The following CALD1 variants were observed in gnomAD, a reference collection of about 807,000 sequenced individuals.
CALD1 encodes the protein caldesmon 1.
A neutral mutation model predicts 99.9 loss-of-function variants in CALD1; 33 were observed. That is an observed-to-expected ratio of 0.33 (90% confidence interval 0.25 to 0.44). The LOEUF is 0.44. Among genes scored for constraint, CALD1 ranks in the 20% least tolerant of loss-of-function variants. CALD1 has a pLI of 1.00. For synonymous variants in CALD1, 310 were observed against 325.0 expected (o/e 0.95, Z 0.50); for missense variants, 861 against 962.1 (o/e 0.89, Z 1.39).
At chr7:134,737,191 CA>C in the CALD1 span, among the ~76,000 whole-genome samples, 1 of 152,170 alleles carries the variant, frequency 6.6e-6, no homozygotes. Flanking sequence ...GTGGCACTAT[CA>C]CAGTTCATTG....
chr7:134,891,227 T>C (rs1169041095), intron 3 of CALD1, among the ~76,000 whole-genome samples: 1 of 152,228 alleles, frequency 6.6e-6, no homozygotes, highest in Non-Finnish European at 1.5e-5. Context: ...GTTAAGCATA[T>C]AAAGTCTTCA....
rs547626891 is a variant in CALD1 at position 134,943,241 on chromosome 7, C to T, written c.1532+2004C>T. Among the ~76,000 whole-genome samples the T allele has an allele frequency of 3.4e-3, 426 of 125,948 alleles. 7 individuals are homozygous for T. In the East Asian group the frequency reaches 0.064, roughly 19 times the overall value. 82.6% of individuals were successfully genotyped at this position (125,948 alleles called of 152,430 possible). A position where few individuals can be genotyped will look rare whatever the true frequency, so the allele number is the denominator to read the frequency against. ...GAAAACAAGCTGTGTTCTTAATGGT[C>T]AAAGGCCTGATACTCATCTTGACTT... On this transcript the variant is annotated intron_variant, in intron 7 of 14. Coordinates refer to ENST00000361675, the MANE Select transcript of CALD1 (RefSeq NM_033138.4).
At chr7:134,763,974 G>A (rs1322301210) in intron 1 of CALD1, among the ~76,000 whole-genome samples, 1 of 150,886 alleles carries the variant, frequency 6.6e-6, no homozygotes, top group Non-Finnish European at 1.5e-5. Flanking sequence ...TGGCATTCTA[G>A]TTTCTAAATC....
At chr7:134,939,965 T>TAA (rs61100207) in intron 6 of CALD1, among the ~76,000 whole-genome samples, 2 of 146,912 alleles carry the variant, frequency 1.4e-5, no homozygotes, top group Admixed American at 6.8e-5. Flanking sequence ...CTCTGTCTCT[T>TAA]AAAAAAAAAA....
rs537257789 is a variant in CALD1, at chr7:134,771,972, T to C, written c.-130+27609T>C. ...TGACATTATATATTCATGTGTTAAC[T>C]AATGTGTATATCTGCCTCCCTCCAT... On this transcript the variant is annotated intron_variant, in intron 1 of 13. Coordinates refer to the CALD1 transcript ENST00000417172. Among the ~76,000 whole-genome samples, 12 of 152,330 alleles carry C rather than the reference T, an allele frequency of 7.9e-5. No individual in the cohort carries two copies. The Middle Eastern group carries it at 0.017, about 216-fold the overall frequency.
In CALD1 at chr7:134,783,485, T is replaced by C. The variant is rs1442046823; in HGVS notation, c.-130+3736T>C. ...ACAGAGGAGATGTCAGAGCATGTTT[T>C]GTGGTAAGGACCCACTCTGCTTCTC... On this transcript the variant is annotated intron_variant, in intron 1 of 14. Coordinates refer to ENST00000361675, the MANE Select transcript of CALD1 (RefSeq NM_033138.4). The surrounding 1 kb of genome is among the most constrained non-coding windows in gnomAD (Gnocchi z 4.3). 6.6e-6 allele frequency among the ~76,000 whole-genome samples: 1 copy of C among 152,066 alleles called. No individual in the cohort carries two copies. The highest frequency in any genetic ancestry group is 1.5e-5 in the Non-Finnish European group (1 of 68,024).
At chr7:134,925,369 G>C (rs1421842410) in intron 3 of CALD1, among the ~76,000 whole-genome samples, 1 of 152,156 alleles carries the variant, frequency 6.6e-6, no homozygotes, top group African/African-American at 2.4e-5. Flanking sequence ...AAAATAGTGG[G>C]AAATTAAGGA....
chr7:134,845,177 TC>T (rs1381847510), intron 2 of CALD1, among the ~76,000 whole-genome samples: 1 of 152,172 alleles, frequency 6.6e-6, no homozygotes, highest in Non-Finnish European at 1.5e-5. Context: ...AGCTCTCATT[TC>T]CCTATGACAT....
Position 134,878,509 on chromosome 7 carries a change from C to T in CALD1, c.71+10705C>T, listed in dbSNP as rs564342970. 6.6e-5 allele frequency among the ~76,000 whole-genome samples: 10 copies of T among 152,216 alleles called. No homozygotes were observed. The East Asian group carries it at 1.9e-3, about 29-fold the overall frequency. On this transcript the variant is annotated intron_variant, in intron 3 of 14. Coordinates refer to ENST00000361675, the MANE Select transcript of CALD1 (RefSeq NM_033138.4). ...ACTTGAAACCAGGAGGCAGAGGTTG[C>T]AGTGAGCCGAGATCGCACCACTGCA...
intron 9 of CALD1, among the ~76,000 whole-genome samples, chr7:134,957,304 G>A (rs555577771): frequency 6.6e-6 from 1 of 152,230 alleles, no homozygotes; most frequent in East Asian, 1.9e-4. Flanking sequence ...CAAATACATA[G>A]TTAAAACATT....
chr7:134,962,856 A>C (rs1320076755), intron 13 of CALD1: 5 of 456,310 alleles, frequency 1.1e-5, no homozygotes, highest in African/African-American at 4.0e-5. Flanking sequence ...TCTCTGGTTG[A>C]TTGGAAACCT....
At chr7:134,936,655 A>G (rs1806003965) in intron 6 of CALD1, among the ~76,000 whole-genome samples, 1 of 152,230 alleles carries the variant, frequency 6.6e-6, no homozygotes, top group African/African-American at 2.4e-5. Context: ...AAACAGAGAA[A>G]TCCATATTTA....
At chr7:134,947,408 T>G in intron 7 of CALD1, 100 bp from the exon 8 acceptor site, 1 of 1,233,286 alleles carries the variant, frequency 8.1e-7, no homozygotes, top group Non-Finnish European at 1.1e-6. Context: ...GCAGTGGGTA[T>G]TTAGTCGGGG....
chr7:134,727,002 A>G, the CALD1 span, among the ~76,000 whole-genome samples: 90 of 152,268 alleles, frequency 5.9e-4, no homozygotes, highest in Non-Finnish European at 9.6e-4. Context: ...TCCTCCTCAC[A>G]GCTTCTTTGC....
At chr7:134,766,709 G>A (rs1436524366) in intron 1 of CALD1, among the ~76,000 whole-genome samples, 2 of 152,068 alleles carry the variant, frequency 1.3e-5, no homozygotes, top group African/African-American at 4.8e-5. Flanking sequence ...CCATGTTTAG[G>A]GAAAAGAAAG....
intron 3 of CALD1, among the ~76,000 whole-genome samples, chr7:134,889,479 T>C (rs887686777): frequency 8.5e-5 from 13 of 152,234 alleles, no homozygotes; most frequent in African/African-American, 2.9e-4. Flanking sequence ...TTTAATTTCA[T>C]CATATCGACA....
intron 1 of CALD1, among the ~76,000 whole-genome samples, chr7:134,782,718 C>T (rs2131687499): frequency 6.6e-6 from 1 of 152,268 alleles, no homozygotes; most frequent in East Asian, 1.9e-4. Flanking sequence ...GATTCTATAC[C>T]CTGAACTGCC....
intron 1 of CALD1, among the ~76,000 whole-genome samples, chr7:134,753,193 G>GA (rs1796700490): frequency 6.6e-6 from 1 of 152,056 alleles, no homozygotes; most frequent in African/African-American, 2.4e-5. Context: ...ACTCAGCTCT[G>GA]AAAAGAGAAC....
At chr7:134,759,262 A>C (rs1390831357) in intron 1 of CALD1, among the ~76,000 whole-genome samples, 1 of 152,242 alleles carries the variant, frequency 6.6e-6, no homozygotes, top group Non-Finnish European at 1.5e-5. Flanking sequence ...TGAGAAAAAA[A>C]TAGATCTGTC....
Sources: allele counts gnomAD v4.1 joint callset (sites outside exome capture counted in the v4.1 genomes callset), GRCh38; gene constraint gnomAD v4.1.1; non-coding constraint Gnocchi (gnomAD v3.1); transcripts MANE v1.5; gene names NCBI Gene and HGNC (gene_info 2026-07-23, HGNC 2026-07-21).